Variants in ATP10A observed in about 807,000 individuals in gnomAD.
ATP10A encodes the protein ATPase phospholipid transporting 10A (putative).
ATP10A carries 111 observed loss-of-function variants against 147.8 expected under a neutral mutation model. The ratio of observed to expected loss-of-function variants is 0.75; its 90% CI spans 0.64 to 0.88. The LOEUF is 0.88. Among genes scored for constraint, ATP10A ranks in the 40% least tolerant of loss-of-function variants. The pLI, the probability that ATP10A is intolerant of heterozygous loss-of-function variation, is 0.00. For synonymous variants in ATP10A, 875 were observed against 841.6 expected (o/e 1.04, Z -0.69); for missense variants, 1,927 against 1,959.0 (o/e 0.98, Z 0.31).
intron 1 of ATP10A, among the ~76,000 whole-genome samples, chr15:25,792,887 T>TTTTTTTTA (rs1555470776): frequency 6.9e-6 from 1 of 145,410 alleles, no homozygotes; most frequent in Non-Finnish European, 1.5e-5. Context: ...TTTTTTTTTT[T>TTTTTTTTA]GAGATGGAGT....
At chr15:25,855,183 G>A (rs919046235) in intron 1 of ATP10A, among the ~76,000 whole-genome samples, 28 of 152,076 alleles carry the variant, frequency 1.8e-4, no homozygotes, top group Admixed American at 1.7e-3. Flanking sequence ...CACACATACG[G>A]CCCCCAATCC....
intron 1 of ATP10A, among the ~76,000 whole-genome samples, chr15:25,818,151 A>T (rs1465840038): frequency 1.3e-5 from 2 of 152,166 alleles, no homozygotes; most frequent in Non-Finnish European, 1.5e-5. Flanking sequence ...ATATTAAAAA[A>T]ACCTAGAAAC....
chr15:25,694,913 G>T lies in ATP10A; in HGVS notation c.2994C>A (p.Cys998Ter). The change falls in exon 14 of 21, where the codon TGC (cysteine) becomes TGA (stop). Residue 998 changes from cysteine to a stop codon, truncating the protein, a stop_gained. Coordinates refer to ENST00000555815, the MANE Select transcript of ATP10A (RefSeq NM_024490.4). LOFTEE classifies it high-confidence loss of function. The part of the protein sequence containing the change: ...EDKFLFLAKQ[C>*]RSVLCCRSTP... ...TCGACCGACAGCAGAGGACGGAGCG[G>T]CACTGCTTGGCAAGGAAGAGGAATT... The T allele has an allele frequency of 6.2e-7, 1 of 1,614,164 alleles. No individual in the cohort carries two copies. Among genetic ancestry groups the T allele is most frequent in the Non-Finnish European group, 8.5e-7 (1 of 1,180,038 alleles).
intron 1 of ATP10A, among the ~76,000 whole-genome samples, chr15:25,800,520 G>A (rs980412740): frequency 2.0e-4 from 31 of 152,176 alleles, no homozygotes; most frequent in African/African-American, 7.2e-4. Context: ...AGCTGACCAC[G>A]CTCCTTCACT....
intron 1 of ATP10A, among the ~76,000 whole-genome samples, chr15:25,805,206 C>G (rs958071403): frequency 6.6e-6 from 1 of 152,188 alleles, no homozygotes; most frequent in Non-Finnish European, 1.5e-5. Context: ...TTTTGAATGA[C>G]TGGCTGGATC....
In ATP10A at chr15:25,683,469, C is replaced by G; in HGVS notation, c.3309G>C (p.Leu1103=). 6.2e-7 allele frequency: 1 copy of G among 1,613,544 alleles called. No homozygotes were observed. The highest frequency in any genetic ancestry group is 8.5e-7 in the Non-Finnish European group (1 of 1,179,714). ...AGCCACAGAAAAACTGGAACCAAAACAGGAGGCCCACGAACATCTGAAATC... is the reference window on the plus strand; with the variant it reads ...AGCCACAGAAAAACTGGAACCAAAAGAGGAGGCCCACGAACATCTGAAATC... The part of the protein sequence containing the change: ...FYKNTMFVGL[L]FWFQFFCGFS... The change falls in exon 17 of 21, where the codon CTG becomes CTC. Residue 1103 remains leucine, a synonymous_variant. Transcript: ENST00000555815.
chr15:25,680,515 T>C (rs866012873), intron 19 of ATP10A, among the ~76,000 whole-genome samples: 2 of 151,736 alleles, frequency 1.3e-5, no homozygotes, highest in Non-Finnish European at 2.9e-5. Context: ...TGAGGTGAGA[T>C]GGAGTCAGGG....
At chr15:25,797,972 G>T (rs926147906) in intron 1 of ATP10A, among the ~76,000 whole-genome samples, 2 of 152,180 alleles carry the variant, frequency 1.3e-5, no homozygotes, top group Non-Finnish European at 2.9e-5. Flanking sequence ...AGAGTTAAAT[G>T]TAAGACTTCT....
chr15:25,823,572 G>A (rs572583259), intron 1 of ATP10A, among the ~76,000 whole-genome samples: 1 of 152,218 alleles, frequency 6.6e-6, no homozygotes, highest in South Asian at 2.1e-4. Flanking sequence ...TAAGTGACTG[G>A]ACCAAATTGT....
chr15:25,775,965 GTCTATCCAACTTTTCACATAGA>G (rs1278631529), intron 2 of ATP10A, among the ~76,000 whole-genome samples: 1 of 152,132 alleles, frequency 6.6e-6, no homozygotes, highest in Non-Finnish European at 1.5e-5. Flanking sequence ...GACTTCAACC[GTCTATCCAACTTTTCACATAGA>G]TCATGTAAGC....
At chr15:25,841,748 AT>A (rs963238392) in intron 1 of ATP10A, 17 of 152,162 alleles carry the variant, frequency 1.1e-4, no homozygotes, top group Admixed American at 5.9e-4. Flanking sequence ...GCATTTTGTA[AT>A]GTTCATCCTG....
rs117348770 is a variant in ATP10A at position 25,788,727 on chromosome 15, G to A, written c.450-7504C>T. ...GATTTTTTTATTAGAAAGATGGTAA[G>A]ATTGCTTACAGGATTTCCATGAAAT... is the stretch of plus-strand genomic sequence containing the variant. On this transcript the variant is annotated intron_variant, in intron 1 of 20. Coordinates refer to ENST00000555815, the MANE Select transcript of ATP10A (RefSeq NM_024490.4). 1.7e-3 allele frequency among the ~76,000 whole-genome samples: 259 copies of A among 152,328 alleles called. 4 individuals are homozygous for A. In the East Asian group the frequency reaches 0.037, roughly 22 times the overall value.
intron 1 of ATP10A, among the ~76,000 whole-genome samples, chr15:25,811,152 T>C (rs1464336680): frequency 6.6e-6 from 1 of 152,124 alleles, no homozygotes; most frequent in Non-Finnish European, 1.5e-5. Flanking sequence ...CAGCGCGAGG[T>C]GGGACACAAC....
At chr15:25,761,240 AAAG>A (rs1202298293) in intron 2 of ATP10A, among the ~76,000 whole-genome samples, 3 of 152,230 alleles carry the variant, frequency 2.0e-5, no homozygotes, top group Admixed American at 6.5e-5. Context: ...GCAGTGACTG[AAAG>A]AAGATCAGTG....
chr15:25,812,964 A>G (rs1891495277), intron 1 of ATP10A, among the ~76,000 whole-genome samples: 1 of 152,232 alleles, frequency 6.6e-6, no homozygotes, highest in African/African-American at 2.4e-5. Context: ...AGGCAAAACA[A>G]GGTGAGCTCT....
chr15:25,673,139 G>A (rs1282907472), downstream of ATP10A, among the ~76,000 whole-genome samples: 1 of 152,146 alleles, frequency 6.6e-6, no homozygotes, highest in Non-Finnish European at 1.5e-5. Flanking sequence ...CACTCCAGTG[G>A]TCAGCCGTCA....
chr15:25,829,315 C>A (rs1360605616), intron 1 of ATP10A, among the ~76,000 whole-genome samples: 2 of 152,118 alleles, frequency 1.3e-5, no homozygotes, highest in Admixed American at 1.3e-4. Flanking sequence ...ACTTTCAGAG[C>A]TTTGCATCCA....
chr15:25,771,442 T>C (rs1889330073), intron 2 of ATP10A, among the ~76,000 whole-genome samples: 1 of 152,176 alleles, frequency 6.6e-6, no homozygotes, highest in Non-Finnish European at 1.5e-5. Context: ...AGGTCTGCGA[T>C]CTAAGTCTAG....
rs9324127 is a variant in ATP10A, at chr15:25,679,651, G to A, written c.4190C>T (p.Ala1397Val). The A allele has an allele frequency of 0.025, 39,867 of 1,613,234 alleles. 803 individuals carry two copies. The highest frequency in any genetic ancestry group is 0.1 in the African/African-American group (7,492 of 75,034). Residue 1397 changes from alanine to valine, a missense_variant, in exon 21 of 21, where the codon GCG becomes GTG. By Grantham distance (64) the Ala-to-Val change is moderately conservative. Transcript: ENST00000555815. ...GLSAPAPMSS[A>V]PGEAVLRSPG... ...ACTCCTCAGGACAGCCTCCCCTGGC[G>A]CAGAGGACATGGGGGCCGGTGCGCT...
Sources: allele counts gnomAD v4.1 joint callset (sites outside exome capture counted in the v4.1 genomes callset), GRCh38; gene constraint gnomAD v4.1.1; transcripts MANE v1.5; gene names NCBI Gene and HGNC (gene_info 2026-07-23, HGNC 2026-07-21).